The following INPP4B variants were observed in gnomAD, a reference collection of about 807,000 sequenced individuals.
The protein encoded by INPP4B is inositol polyphosphate-4-phosphatase type II B.
Under a neutral mutation model 122.5 loss-of-function variants are expected in INPP4B, and 55 were observed. The observed-to-expected ratio is 0.45, with a 90% CI of 0.36 to 0.56. INPP4B has a LOEUF of 0.56. Among genes scored for constraint, INPP4B ranks in the 20% least tolerant of loss-of-function variants. The pLI is 0.00. For missense variants in INPP4B, 1,000 were observed against 1,097.7 expected, an observed-to-expected ratio of 0.91 and a Z score of 1.26; for synonymous variants, 403 against 388.7, an observed-to-expected ratio of 1.04 and a Z score of -0.43.
intron 2 of INPP4B, among the ~76,000 whole-genome samples, chr4:142,700,025 A>T (rs1306189052): frequency 6.6e-6 from 1 of 152,138 alleles, no homozygotes; most frequent in Non-Finnish European, 1.5e-5. Context: ...AAAAAATTTT[A>T]TTCAGCAACC....
At position 142,461,000 on chromosome 4, in the gene INPP4B, G is replaced by A. The variant is rs560024996; in HGVS notation, c.-127+1663C>T. Among the ~76,000 whole-genome samples the A allele has an allele frequency of 7.2e-5, 11 of 152,168 alleles. 1 individual carries two copies. Among genetic ancestry groups the A allele is most frequent in the Admixed American group, 3.3e-4 (5 of 15,280 alleles). ...TCAAGACGAGCCTAGGAAACATGCT[G>A]AAACTCCATCTCTACAAAAAATTAG... is the stretch of plus-strand genomic sequence containing the variant. On this transcript the variant is annotated intron_variant, in intron 3 of 25. Coordinates refer to ENST00000262992, the MANE Select transcript of INPP4B (RefSeq NM_001101669.3).
chr4:142,167,020 G>A (rs555292342), intron 16 of INPP4B, among the ~76,000 whole-genome samples: 1 of 151,900 alleles, frequency 6.6e-6, no homozygotes, highest in African/African-American at 2.4e-5. Context: ...AATACCATCT[G>A]ACCCAGCGAT....
At chr4:142,740,677 G>T (rs1210776004) in intron 1 of INPP4B, among the ~76,000 whole-genome samples, 1 of 151,742 alleles carries the variant, frequency 6.6e-6, no homozygotes. Flanking sequence ...AGCCCAAAAG[G>T]GTGGACAATA....
intron 2 of INPP4B, among the ~76,000 whole-genome samples, chr4:142,702,378 C>A (rs568473482): frequency 7.9e-5 from 12 of 152,178 alleles, no homozygotes; most frequent in African/African-American, 2.9e-4. Context: ...AGCCTAATTA[C>A]TTATTGCAAA....
intron 2 of INPP4B, among the ~76,000 whole-genome samples, chr4:142,499,459 T>G (rs917442631): frequency 6.6e-6 from 1 of 152,198 alleles, no homozygotes; most frequent in Non-Finnish European, 1.5e-5. Flanking sequence ...GTTAAAATTG[T>G]GTTTGTATAT....
intron 1 of INPP4B, among the ~76,000 whole-genome samples, chr4:142,734,067 CAGTT>C (rs1281507517): frequency 5.3e-5 from 8 of 152,162 alleles, no homozygotes; most frequent in East Asian, 1.9e-4. Context: ...CTCTAACACT[CAGTT>C]AGACTGTCTT....
chr4:142,838,194 A>T (rs909741315), intron 1 of INPP4B, among the ~76,000 whole-genome samples: 2 of 151,988 alleles, frequency 1.3e-5, no homozygotes, highest in Non-Finnish European at 2.9e-5. Flanking sequence ...ACACACACAC[A>T]TATCTAAACT....
intron 15 of INPP4B, among the ~76,000 whole-genome samples, chr4:142,174,075 T>C (rs1289177655): frequency 6.6e-6 from 1 of 152,134 alleles, no homozygotes; most frequent in Non-Finnish European, 1.5e-5. Flanking sequence ...CAAGTATATG[T>C]AATGGCTCAT....
chr4:142,227,326 A>G (rs1851989650), intron 12 of INPP4B, among the ~76,000 whole-genome samples: 1 of 152,134 alleles, frequency 6.6e-6, no homozygotes, highest in South Asian at 2.1e-4. Context: ...AAGCAGGTGA[A>G]TGCTGCTGGG....
At chr4:142,669,217 A>T (rs1000598166) in intron 2 of INPP4B, among the ~76,000 whole-genome samples, 1 of 152,188 alleles carries the variant, frequency 6.6e-6, no homozygotes, top group Non-Finnish European at 1.5e-5. Flanking sequence ...TGGAAGAATT[A>T]ACATTGTTAA....
intron 18 of INPP4B, among the ~76,000 whole-genome samples, chr4:142,140,156 G>T (rs527446479): frequency 6.6e-6 from 1 of 152,322 alleles, no homozygotes; most frequent in East Asian, 1.9e-4. Flanking sequence ...ATGATATGTG[G>T]ACTAATTCGA....
chr4:142,056,192 G>A lies in INPP4B; in HGVS notation c.2642+25839C>T, dbSNP rs541525135. 5.9e-5 allele frequency among the ~76,000 whole-genome samples: 9 copies of A among 152,200 alleles called. No individual in the cohort carries two copies. The South Asian group carries it at 1.5e-3, about 25-fold the overall frequency. On this transcript the variant is annotated intron_variant, in intron 25 of 25. Coordinates refer to ENST00000262992, the MANE Select transcript of INPP4B (RefSeq NM_001101669.3). ...ACCCACTGTTCACCTCCTGCTGTGT[G>A]ACCTGGTTCTTAACAGGCCACAGAC...
At chr4:142,481,643 A>T (rs1002175417) in intron 2 of INPP4B, among the ~76,000 whole-genome samples, 1 of 152,136 alleles carries the variant, frequency 6.6e-6, no homozygotes, top group African/African-American at 2.4e-5. Context: ...CTCTTGAAAC[A>T]TATTGGCATG....
intron 7 of INPP4B, among the ~76,000 whole-genome samples, chr4:142,318,578 C>T (rs1269430215): frequency 6.6e-6 from 1 of 152,126 alleles, no homozygotes; most frequent in Non-Finnish European, 1.5e-5. Flanking sequence ...ATAAGAATGT[C>T]TTCCTGACTA....
At position 142,731,837 on chromosome 4, in the gene INPP4B, G is replaced by T. The variant is rs77026074; in HGVS notation, c.-253-5936C>A. On this transcript the variant is annotated intron_variant, in intron 1 of 25. Transcript: ENST00000262992. ...GGAACACTTAGGGTGCATTAGTGGA[G>T]GACAGTCTCTAAAAAGATGAACCTG... is the stretch of plus-strand genomic sequence containing the variant. Among the ~76,000 whole-genome samples, 9 of 152,184 alleles carry T rather than the reference G, an allele frequency of 5.9e-5. No individual in the cohort carries two copies. The East Asian group carries it at 1.7e-3, about 29-fold the overall frequency.
intron 7 of INPP4B, chr4:142,317,277 G>T: frequency 5.5e-6 from 2 of 364,330 alleles, no homozygotes; most frequent in Admixed American, 3.3e-5. Flanking sequence ...TACCAAAACC[G>T]CAGAGGAGCC....
At chr4:142,657,211 G>C (rs953843115) in intron 2 of INPP4B, among the ~76,000 whole-genome samples, 13 of 152,286 alleles carry the variant, frequency 8.5e-5, no homozygotes, top group Admixed American at 7.8e-4. Flanking sequence ...TTTTTAGAGG[G>C]AAGATAAAAG....
chr4:142,646,261 CAACT>C (rs1419551985), intron 2 of INPP4B, among the ~76,000 whole-genome samples: 2 of 152,004 alleles, frequency 1.3e-5, no homozygotes, highest in Non-Finnish European at 2.9e-5. Context: ...GAAACTAACA[CAACT>C]AACAGCCTAA....
At chr4:142,776,055 T>A (rs1382733104) in intron 1 of INPP4B, among the ~76,000 whole-genome samples, 1 of 152,192 alleles carries the variant, frequency 6.6e-6, no homozygotes, top group Admixed American at 6.6e-5. Context: ...AGCGCTGATA[T>A]GTGCTTCTCT....
Sources: gnomAD v4.1 joint callset for allele counts (sites outside exome capture counted in the v4.1 genomes callset) on GRCh38, gnomAD v4.1.1 for gene constraint, MANE v1.5 for transcripts, NCBI Gene and HGNC (gene_info 2026-07-23, HGNC 2026-07-21) for gene names.